Variants in ZNF184 observed in about 807,000 individuals in gnomAD.
The protein encoded by ZNF184 is zinc finger protein 184.
ZNF184 carries 16 observed loss-of-function variants against 54.4 expected under a neutral mutation model. The ratio of observed to expected loss-of-function variants is 0.29; its 90% CI spans 0.20 to 0.45. The LOEUF (loss-of-function observed/expected upper bound fraction) is 0.45, where lower values mean the gene tolerates loss of function less well. Among genes scored for constraint, ZNF184 ranks in the 20% least tolerant of loss-of-function variants. The pLI is 1.00. For synonymous variants in ZNF184, 254 were observed against 295.3 expected, an observed-to-expected ratio of 0.86 and a Z score of 1.43; for missense variants, 681 against 888.2, an observed-to-expected ratio of 0.77 and a Z score of 2.97.
At chr6:27,416,832 C>T in the ZNF184 span, among the ~76,000 whole-genome samples, 1 of 152,118 alleles carries the variant, frequency 6.6e-6, no homozygotes, top group African/African-American at 2.4e-5. Flanking sequence ...TTATTTAAGC[C>T]TCACAGCATC....
chr6:27,461,936 ACTAT>A (rs1763005120), intron 3 of ZNF184, among the ~76,000 whole-genome samples: 1 of 152,188 alleles, frequency 6.6e-6, no homozygotes, highest in African/African-American at 2.4e-5. Context: ...GTGTGATGAG[ACTAT>A]CTGAGGCCAG....
In ZNF184 at chr6:27,453,211, A is replaced by G; in HGVS notation, c.348T>C (p.Ile116=). The part of the protein sequence containing the change: ...ENSVSAPEPD[I]SEEELSPEVI... Reference sequence around the variant, plus strand: ...CCTCTGGAGATAGCTCTTCTTCAGAAATGTCAGGCTCTGGGGCTGACACAC... The same window carrying G: ...CCTCTGGAGATAGCTCTTCTTCAGAGATGTCAGGCTCTGGGGCTGACACAC... Residue 116 remains isoleucine (I), a synonymous_variant, in exon 6 of 6, where the codon ATT becomes ATC. Coordinates refer to ENST00000683788, the MANE Select transcript of ZNF184 (RefSeq NM_001318891.2). This position sits in a 1 kb window ranked among gnomAD's most constrained non-coding sequence, Gnocchi z 4.7. 1 of 1,613,134 alleles carries G rather than the reference A, an allele frequency of 6.2e-7. No individual in the cohort carries two copies.
chr6:27,457,015 T>C (rs1454279490), intron 4 of ZNF184, 94 bp from the exon 5 acceptor site: 7 of 1,226,468 alleles, frequency 5.7e-6, no homozygotes, highest in Admixed American at 2.0e-5. Context: ...AGAAATGATA[T>C]GTAGTAAAAA....
At chr6:27,455,990 G>A (rs761886149) in intron 5 of ZNF184, among the ~76,000 whole-genome samples, 3 of 152,172 alleles carry the variant, frequency 2.0e-5, no homozygotes, top group Admixed American at 6.5e-5. Flanking sequence ...AGGTGCAGTG[G>A]CTCACACCTG....
intron 5 of ZNF184, among the ~76,000 whole-genome samples, chr6:27,454,595 C>T (rs1399003580): frequency 6.6e-6 from 1 of 152,090 alleles, no homozygotes; most frequent in Non-Finnish European, 1.5e-5. Context: ...TGTTAAAGAA[C>T]AGTGCATGGA....
chr6:27,446,051 A>G (rs781385561), downstream of ZNF184, among the ~76,000 whole-genome samples: 35 of 152,350 alleles, frequency 2.3e-4, no homozygotes, highest in South Asian at 1.0e-3. Flanking sequence ...AATATTTGGA[A>G]AATGTATAGC....
chr6:27,457,072 C>T, intron 4 of ZNF184, 151 bp from the exon 5 acceptor site: 1 of 952,840 alleles, frequency 1.0e-6, no homozygotes, highest in African/African-American at 1.7e-5. Flanking sequence ...TACCAGTTCC[C>T]AGACATGGTG....
intron 3 of ZNF184, among the ~76,000 whole-genome samples, chr6:27,459,954 A>G (rs146363771): frequency 3.5e-3 from 529 of 152,268 alleles, no homozygotes; most frequent in Middle Eastern, 6.8e-3. Flanking sequence ...CTTGAGCCCA[A>G]GAGTTCAAGA....
Position 27,472,518 on chromosome 6 carries a change from A to G in ZNF184, c.-139-85T>C, listed in dbSNP as rs1447146994. 3.5e-5 allele frequency: 20 copies of G among 567,548 alleles called. No individual in the cohort carries two copies. Among genetic ancestry groups the G allele is most frequent in the Non-Finnish European group, 5.4e-5 (17 of 314,812 alleles). 35.2% of individuals were successfully genotyped at this position (567,548 alleles called of 1,614,324 possible). ...CAAAGTGACCAAGAGGTGCTACACA[A>G]GAGAAGTGCCCCAAGAGAGCACTAG... On this transcript the variant is annotated intron_variant, in intron 1 of 5. Coordinates refer to ENST00000683788, the MANE Select transcript of ZNF184 (RefSeq NM_001318891.2). The surrounding 1 kb of genome is among the most constrained non-coding windows in gnomAD (Gnocchi z 4.8).
At chr6:27,421,118 A>G in the ZNF184 span, among the ~76,000 whole-genome samples, 1 of 152,228 alleles carries the variant, frequency 6.6e-6, no homozygotes, top group Non-Finnish European at 1.5e-5. Context: ...AGCACAGAGG[A>G]TTTTTAAGTC....
intron 4 of ZNF184, 142 bp from the exon 5 acceptor site, chr6:27,457,063 A>G: frequency 1.1e-6 from 1 of 941,986 alleles, no homozygotes; most frequent in South Asian, 1.7e-5. Flanking sequence ...CTTTAGTGTT[A>G]CCAGTTCCCA....
the ZNF184 span, among the ~76,000 whole-genome samples, chr6:27,428,027 T>C: frequency 1.4e-3 from 217 of 152,310 alleles, no homozygotes; most frequent in African/African-American, 4.9e-3. The surrounding 1 kb of genome is among the most constrained non-coding windows in gnomAD (Gnocchi z 4.1). Context: ...CTCTGAAATA[T>C]CTCCTCCCCT....
chr6:27,413,457 C>G, the ZNF184 span, among the ~76,000 whole-genome samples: 1 of 152,096 alleles, frequency 6.6e-6, no homozygotes, highest in Non-Finnish European at 1.5e-5. Flanking sequence ...TTAATTATGA[C>G]AAATTTAAAA....
At chr6:27,428,548 A>G in the ZNF184 span, among the ~76,000 whole-genome samples, 4 of 151,892 alleles carry the variant, frequency 2.6e-5, no homozygotes, top group African/African-American at 9.7e-5. This position sits in a 1 kb window ranked among gnomAD's most constrained non-coding sequence, Gnocchi z 4.1. Context: ...ATCCGACCCA[A>G]ACTCCACTGG....
rs1486707983 is a variant in ZNF184, at chr6:27,453,940, A to G, written c.299-680T>C. On this transcript the variant is annotated intron_variant, in intron 5 of 5. Coordinates refer to ENST00000683788, the MANE Select transcript of ZNF184 (RefSeq NM_001318891.2). This position sits in a 1 kb window ranked among gnomAD's most constrained non-coding sequence, Gnocchi z 4.7. ...TCAGCTCAAAAAAAGAAGGACAAGA[A>G]TAGCTAAAGCCTTAGAAATATATGT... is the stretch of plus-strand genomic sequence containing the variant. Among the ~76,000 whole-genome samples the G allele has an allele frequency of 6.6e-6, 1 of 152,220 alleles. No homozygotes were observed. The highest frequency in any genetic ancestry group is 1.5e-5 in the Non-Finnish European group (1 of 68,042).
chr6:27,408,859 G>A, the ZNF184 span, among the ~76,000 whole-genome samples: 2 of 152,098 alleles, frequency 1.3e-5, no homozygotes, highest in African/African-American at 4.8e-5. Context: ...ATCAGCAGGG[G>A]TAAAACTACC....
chr6:27,418,482 C>T, the ZNF184 span, among the ~76,000 whole-genome samples: 10 of 152,222 alleles, frequency 6.6e-5, no homozygotes, highest in African/African-American at 9.6e-5. Context: ...AATTTGTATT[C>T]GACTTACAGT....
the ZNF184 span, among the ~76,000 whole-genome samples, chr6:27,429,565 A>T: frequency 1.3e-5 from 2 of 152,234 alleles, no homozygotes; most frequent in African/African-American, 4.8e-5. Context: ...GGTGCCCCCA[A>T]CCTGAAGGTT....
In ZNF184 at chr6:27,452,018, A is replaced by G. The variant is rs1262422981; in HGVS notation, c.1541T>C (p.Leu514Pro). Residue 514 changes from leucine (L) to proline (P), a missense_variant, in exon 6 of 6, where the codon CTC becomes CCC. By Grantham distance (98) the Leu-to-Pro change is moderately conservative. Coordinates refer to ENST00000683788, the MANE Select transcript of ZNF184 (RefSeq NM_001318891.2). The surrounding 1 kb of genome is among the most constrained non-coding windows in gnomAD (Gnocchi z 5.5). ...CSECGKAFSY[L>P]SNLNQHQKTH... is the part of the protein sequence containing the mutation. ...TTTCTGATGCTGATTAAGGTTTGAG[A>G]GATAACTGAAAGCCTTTCCACATTC... The G allele has an allele frequency of 6.2e-7, 1 of 1,613,814 alleles. No homozygotes were observed. The highest frequency in any genetic ancestry group is 2.2e-5 in the East Asian group (1 of 44,886).
Sources: allele counts gnomAD v4.1 joint callset (sites outside exome capture counted in the v4.1 genomes callset), GRCh38; gene constraint gnomAD v4.1.1; non-coding constraint Gnocchi (gnomAD v3.1); transcripts MANE v1.5; gene names NCBI Gene and HGNC (gene_info 2026-07-23, HGNC 2026-07-21).